Variants in KRABD2 observed in about 807,000 individuals in gnomAD.
The protein encoded by KRABD2 is KRAB domain containing 2, also known as KRAB domain-containing protein 2.
At chr17:8,373,227 C>T in the KRABD2 span, among the ~76,000 whole-genome samples, 2 of 152,214 alleles carry the variant, frequency 1.3e-5, no homozygotes, top group South Asian at 2.1e-4. Flanking sequence ...GATGCCAAGC[C>T]GAGGCTGGAC....
the KRABD2 span, chr17:8,371,809 C>T: frequency 8.8e-7 from 1 of 1,136,698 alleles, no homozygotes; most frequent in Non-Finnish European, 1.1e-6. Context: ...AATATTATAT[C>T]TGTGTACATA....
At chr17:8,369,637 T>G in the KRABD2 span, 1 of 1,614,240 alleles carries the variant, frequency 6.2e-7, no homozygotes, top group Non-Finnish European at 8.5e-7. Flanking sequence ...TCAACGCCAC[T>G]GTCAGAGTCT....
chr17:8,376,177 C>T, the KRABD2 span: 1 of 1,231,606 alleles, frequency 8.1e-7, no homozygotes, highest in African/African-American at 1.6e-5. Flanking sequence ...GAGCTGAGCA[C>T]AAAAGATGTT....
At chr17:8,376,688 C>T in the KRABD2 span, 2 of 984,432 alleles carry the variant, frequency 2.0e-6, no homozygotes, top group Non-Finnish European at 2.4e-6. Context: ...ACCCAGAGGC[C>T]CCCGAGCAGC....
chr17:8,376,306 T>C, the KRABD2 span: 1 of 1,224,860 alleles, frequency 8.2e-7, no homozygotes, highest in Non-Finnish European at 1.0e-6. Flanking sequence ...ATTTACTGAC[T>C]AAAGCAAAGT....
At chr17:8,371,456 T>C in the KRABD2 span, 1 of 1,614,136 alleles carries the variant, frequency 6.2e-7, no homozygotes, top group African/African-American at 1.3e-5. Flanking sequence ...AGGGACCATA[T>C]AGTCTTGGGG....
chr17:8,367,595 A>C, the KRABD2 span, among the ~76,000 whole-genome samples: 1 of 147,498 alleles, frequency 6.8e-6, no homozygotes, highest in African/African-American at 2.5e-5. Flanking sequence ...CTGGGGAGGC[A>C]GAGGCTGCAG....
the KRABD2 span, among the ~76,000 whole-genome samples, chr17:8,374,721 C>T: frequency 6.7e-6 from 1 of 148,330 alleles, no homozygotes; most frequent in African/African-American, 2.5e-5. Flanking sequence ...CGGAGGTGGG[C>T]GGATTACAAG....
At chr17:8,375,582 C>A in the KRABD2 span, 4 of 150,778 alleles carry the variant, frequency 2.7e-5, no homozygotes, top group African/African-American at 9.8e-5. Context: ...GTCACCCAGG[C>A]TAGAGTACAG....
the KRABD2 span, chr17:8,370,406 G>A: frequency 6.7e-7 from 1 of 1,491,858 alleles, no homozygotes; most frequent in Non-Finnish European, 9.0e-7. Flanking sequence ...GAAGAAAAGA[G>A]AACAAAGTTA....
chr17:8,374,398 T>G, the KRABD2 span, among the ~76,000 whole-genome samples: 1 of 152,096 alleles, frequency 6.6e-6, no homozygotes, highest in Non-Finnish European at 1.5e-5. Flanking sequence ...GTGCAAGATG[T>G]GCTTTGTTAA....
the KRABD2 span, among the ~76,000 whole-genome samples, chr17:8,372,704 T>C: frequency 2.0e-5 from 3 of 152,224 alleles, no homozygotes; most frequent in Non-Finnish European, 2.9e-5. The surrounding 1 kb of genome is among the most constrained non-coding windows in gnomAD (Gnocchi z 4.1). Flanking sequence ...GAGTGCTGTG[T>C]TGGTTGTTAT....
chr17:8,376,225 G>T, the KRABD2 span: 19 of 1,230,844 alleles, frequency 1.5e-5, no homozygotes, highest in Non-Finnish European at 1.8e-5. Flanking sequence ...TTACAGGTAG[G>T]TCGTTATTAG....
chr17:8,375,476 C>T, the KRABD2 span, among the ~76,000 whole-genome samples: 1 of 152,244 alleles, frequency 6.6e-6, no homozygotes, highest in South Asian at 2.1e-4. Flanking sequence ...ACCTACTAAC[C>T]TATTCATCTT....
chr17:8,369,168 G>A, the KRABD2 span: 101 of 1,613,946 alleles, frequency 6.3e-5, no homozygotes, highest in Non-Finnish European at 7.7e-5. Context: ...CCCTTGTGAG[G>A]TGCTGGGTTC....
the KRABD2 span, among the ~76,000 whole-genome samples, chr17:8,359,257 T>C: frequency 6.6e-6 from 1 of 152,184 alleles, no homozygotes; most frequent in Non-Finnish European, 1.5e-5. Flanking sequence ...CTGGGGAGGT[T>C]AACTTTGATC....
At chr17:8,369,435 A>T in the KRABD2 span, 1 of 1,614,034 alleles carries the variant, frequency 6.2e-7, no homozygotes, top group Middle Eastern at 1.6e-4. Flanking sequence ...ATTCCTCACC[A>T]TCTGCATGAA....
At chr17:8,374,190 G>A in the KRABD2 span, among the ~76,000 whole-genome samples, 2 of 151,536 alleles carry the variant, frequency 1.3e-5, no homozygotes, top group Non-Finnish European at 2.9e-5. Flanking sequence ...AGAAAAGGGG[G>A]AAATGTGGGG....
the KRABD2 span, among the ~76,000 whole-genome samples, chr17:8,373,172 C>CACG: frequency 3.3e-5 from 5 of 149,520 alleles, no homozygotes; most frequent in African/African-American, 1.3e-4. Flanking sequence ...TCTCCGTCTC[C>CACG]GTCTCCACGG....
Sources: gnomAD v4.1 joint callset for allele counts (sites outside exome capture counted in the v4.1 genomes callset) on GRCh38, gnomAD v4.1.1 for gene constraint, Gnocchi (gnomAD v3.1) non-coding constraint, MANE v1.5 for transcripts, NCBI Gene and HGNC (gene_info 2026-07-23, HGNC 2026-07-21) for gene names.